CASTOR2: variants seen among roughly 807,000 people sequenced by gnomAD.
CASTOR2 encodes GATS protein like 2.
A neutral mutation model predicts 31.2 loss-of-function variants in CASTOR2; 8 were observed. The ratio of observed to expected loss-of-function variants is 0.26; its 90% CI spans 0.15 to 0.46. CASTOR2 has a LOEUF of 0.46. Among genes scored for constraint, CASTOR2 ranks in the 20% least tolerant of loss-of-function variants. The probability of loss-of-function intolerance (pLI) is 0.99; values close to 1 mark genes in which losing one functional copy is unlikely to be tolerated. For missense variants in CASTOR2, 216 were observed against 382.1 expected, an observed-to-expected ratio of 0.57 and a Z score of 3.62; for synonymous variants, 162 against 158.7, an observed-to-expected ratio of 1.02 and a Z score of -0.16.
At chr7:75,000,010 T>A (rs1174246770) in intron 1 of CASTOR2, among the ~76,000 whole-genome samples, 1 of 152,144 alleles carries the variant, frequency 6.6e-6, no homozygotes, top group Non-Finnish European at 1.5e-5. Context: ...GAGGATCGCT[T>A]GAGGTCAGGA....
rs1805275456 is a variant in CASTOR2, at chr7:75,030,590, T to C, written c.*5891T>C. Among the ~76,000 whole-genome samples, 3 of 152,156 alleles carry C rather than the reference T, an allele frequency of 2.0e-5. No homozygotes were observed. Among genetic ancestry groups the C allele is most frequent in the South Asian group, 2.1e-4 (1 of 4,828 alleles). ...GGAGGATGCACTTCTAAGTGAGGCC[T>C]GGCTGTAGGCAGGAGGCCTCAGTCC... On this transcript the variant is annotated 3_prime_UTR_variant, in exon 9 of 9. Transcript: ENST00000616305.
In CASTOR2 at chr7:75,030,623, G is replaced by A. The variant is rs1805276528; in HGVS notation, c.*5924G>A. On this transcript the variant is annotated 3_prime_UTR_variant, in exon 9 of 9. Coordinates refer to ENST00000616305, the MANE Select transcript of CASTOR2 (RefSeq NM_001145064.3). The stretch of plus-strand genomic sequence containing the variant: ...GGCAGGAGGCCTCAGTCCTTCCCCA[G>A]GTGGGCCAACCCACAGGGCTGCTTG... Among the ~76,000 whole-genome samples, 1 of 152,132 alleles carries A rather than the reference G, an allele frequency of 6.6e-6. No individual in the cohort carries two copies. Among genetic ancestry groups the A allele is most frequent in the Non-Finnish European group, 1.5e-5 (1 of 68,020 alleles).
In CASTOR2 at chr7:75,017,974, A is replaced by G; in HGVS notation, c.379-16A>G. On this transcript the variant is annotated splice_polypyrimidine_tract_variant and intron_variant, in intron 3 of 8. Coordinates refer to ENST00000616305, the MANE Select transcript of CASTOR2 (RefSeq NM_001145064.3). ...AGGGCCACCAGGCACACACGGCCTC[A>G]ACTTCTTGCCCCTAGGTGCGCGAGC... The G allele has an allele frequency of 6.2e-7, 1 of 1,614,196 alleles. No individual in the cohort carries two copies. The highest frequency in any genetic ancestry group is 8.5e-7 in the Non-Finnish European group (1 of 1,180,030).
chr7:74,979,650 C>G (rs1430899633), intron 1 of CASTOR2, among the ~76,000 whole-genome samples: 9 of 32,672 alleles, frequency 2.8e-4, no homozygotes, highest in African/African-American at 1.3e-3. Context: ...GCCTCGGCCT[C>G]CCAAAGGGCT....
At chr7:75,001,266 TG>T (rs1804488360) in intron 1 of CASTOR2, among the ~76,000 whole-genome samples, 1 of 152,052 alleles carries the variant, frequency 6.6e-6, no homozygotes, top group Admixed American at 6.6e-5. Context: ...TTTGTAGAGA[TG>T]GAGTCTTACC....
rs1341870245 is a variant in CASTOR2, at chr7:75,029,822, T to G, written c.*5123T>G. On this transcript the variant is annotated 3_prime_UTR_variant, in exon 9 of 9. Coordinates refer to ENST00000616305, the MANE Select transcript of CASTOR2 (RefSeq NM_001145064.3). ...CTCCAACAGAGAAAAGACATTGGCTTTGGGTACCATGCTGAGGGAGGGGGT... is the reference window on the plus strand; with the variant it reads ...CTCCAACAGAGAAAAGACATTGGCTGTGGGTACCATGCTGAGGGAGGGGGT... Among the ~76,000 whole-genome samples, 1 of 151,924 alleles carries G rather than the reference T, an allele frequency of 6.6e-6. No homozygotes were observed. The highest frequency in any genetic ancestry group is 1.5e-5 in the Non-Finnish European group (1 of 67,980).
At position 75,017,823 on chromosome 7, in the gene CASTOR2, A is replaced by G. The variant is rs1179114514; in HGVS notation, c.378+32A>G. 22 of 1,613,114 alleles carry G rather than the reference A, an allele frequency of 1.4e-5. No individual in the cohort carries two copies. In the African/African-American group the frequency reaches 2.7e-4, roughly 20 times the overall value. ...TGACCATCACAGACACGCCTTGCACACTCATGCCCGCCTCTGACACACTCA... is the reference window on the plus strand; with the variant it reads ...TGACCATCACAGACACGCCTTGCACGCTCATGCCCGCCTCTGACACACTCA... On this transcript the variant is annotated intron_variant, in intron 3 of 8. Coordinates refer to ENST00000616305, the MANE Select transcript of CASTOR2 (RefSeq NM_001145064.3).
intron 1 of CASTOR2, among the ~76,000 whole-genome samples, chr7:74,992,275 A>G (rs1410990462): frequency 8.6e-5 from 13 of 151,782 alleles, no homozygotes; most frequent in African/African-American, 2.7e-4. Flanking sequence ...GATCTATTCC[A>G]TGCTAAAAGT....
At chr7:75,011,447 G>T (rs1171012157) in intron 2 of CASTOR2, among the ~76,000 whole-genome samples, 2 of 122,260 alleles carry the variant, frequency 1.6e-5, no homozygotes, top group Non-Finnish European at 3.6e-5. Context: ...AAAAAAAAAA[G>T]TTTGAGGCCG....
At position 75,022,254 on chromosome 7, in the gene CASTOR2, C is replaced by T. The variant is rs1055970454; in HGVS notation, c.829+298C>T. Among the ~76,000 whole-genome samples, 5 of 152,226 alleles carry T rather than the reference C, an allele frequency of 3.3e-5. No homozygotes were observed. In the East Asian group the frequency reaches 9.6e-4, roughly 29 times the overall value. Reference sequence around the variant, plus strand: ...GCGCGGTGGCTCGTGCTTGTAATCCCAGCACTTTGGGAGGCCGAGGTGGAA... The same window carrying T: ...GCGCGGTGGCTCGTGCTTGTAATCCTAGCACTTTGGGAGGCCGAGGTGGAA... On this transcript the variant is annotated intron_variant, in intron 7 of 8. Coordinates refer to ENST00000616305, the MANE Select transcript of CASTOR2 (RefSeq NM_001145064.3).
intron 1 of CASTOR2, among the ~76,000 whole-genome samples, chr7:74,983,543 C>T (rs587728845): frequency 2.7e-5 from 4 of 150,678 alleles, no homozygotes; most frequent in Non-Finnish European, 5.9e-5. Context: ...TGAGATCTTA[C>T]AGAGAAAGTG....
rs1343083232 is a variant in CASTOR2 at position 75,021,965 on chromosome 7, T to A, written c.829+9T>A. The A allele has an allele frequency of 1.3e-6, 2 of 1,551,082 alleles. No homozygotes were observed. The highest frequency in any genetic ancestry group is 2.7e-5 in the African/African-American group (2 of 73,030). On this transcript the variant is annotated intron_variant, in intron 7 of 8. Coordinates refer to ENST00000616305, the MANE Select transcript of CASTOR2 (RefSeq NM_001145064.3). The stretch of plus-strand genomic sequence containing the variant: ...ACAGCCCCTGGGGTTTGGTGAGTCC[T>A]GGGGGGATTACATGGGGAATTGAGG...
chr7:74,988,530 C>G (rs1804126910), intron 1 of CASTOR2, among the ~76,000 whole-genome samples: 1 of 152,078 alleles, frequency 6.6e-6, no homozygotes, highest in Non-Finnish European at 1.5e-5. Context: ...ATTTCCTGAC[C>G]TCTTGTTCTG....
chr7:74,993,802 A>T (rs1332460188), intron 1 of CASTOR2, among the ~76,000 whole-genome samples: 6 of 2,460 alleles, frequency 2.4e-3, no homozygotes, highest in Non-Finnish European at 3.2e-3. Context: ...CCACAGATTA[A>T]AAAAAAAAAA....
Position 75,031,374 on chromosome 7 carries a change from C to T in CASTOR2, c.*6675C>T, listed in dbSNP as rs987324400. ...GAACCTGCCATCTTATCCCTACCCC[C>T]CCGGGGCCCTCAAGCTTATTTTCTT... On this transcript the variant is annotated 3_prime_UTR_variant, in exon 9 of 9. Transcript: ENST00000616305. Among the ~76,000 whole-genome samples the T allele has an allele frequency of 3.3e-5, 5 of 152,196 alleles. No individual in the cohort carries two copies. The highest frequency in any genetic ancestry group is 4.8e-5 in the African/African-American group (2 of 41,438).
intron 1 of CASTOR2, among the ~76,000 whole-genome samples, chr7:75,000,726 C>T (rs1804475426): frequency 6.6e-6 from 1 of 152,062 alleles, no homozygotes; most frequent in Non-Finnish European, 1.5e-5. Context: ...GGCACAATCT[C>T]GACTCAACTG....
At position 74,991,083 on chromosome 7, in the gene CASTOR2, A is replaced by AAG. The variant is rs1233516955; in HGVS notation, c.114-16910_114-16909insGA. Among the ~76,000 whole-genome samples, 22 of 151,246 alleles carry AAG rather than the reference A, an allele frequency of 1.5e-4. 1 individual carries two copies. The highest frequency in any genetic ancestry group is 2.2e-4 in the African/African-American group (9 of 41,338). On this transcript the variant is annotated intron_variant, in intron 1 of 8. Transcript: ENST00000616305. ...AGCAAGACCCTGTCTGGAAAAAAAA[A>AAG]AAAAAGGAAAAGAAAAAGAAAATGC...
chr7:75,014,331 T>C (rs1584475209), intron 2 of CASTOR2, among the ~76,000 whole-genome samples: 1 of 144,528 alleles, frequency 6.9e-6, no homozygotes, highest in Non-Finnish European at 1.5e-5. Flanking sequence ...CCCAGCACTT[T>C]GGGAGGCCGA....
intron 2 of CASTOR2, among the ~76,000 whole-genome samples, chr7:75,012,591 A>G (rs1804779236): frequency 1.3e-5 from 2 of 151,302 alleles, no homozygotes; most frequent in Non-Finnish European, 2.9e-5. Context: ...ACAGGCATGA[A>G]CTACTGCACC....
Sources: gnomAD v4.1 joint callset for allele counts (sites outside exome capture counted in the v4.1 genomes callset) on GRCh38, gnomAD v4.1.1 for gene constraint, MANE v1.5 for transcripts, NCBI Gene and HGNC (gene_info 2026-07-23, HGNC 2026-07-21) for gene names.